GMDS: variants seen among roughly 807,000 people sequenced by gnomAD.
GMDS encodes the protein GDP-mannose 4,6-dehydratase, also known as GDP-mannose 4,6 dehydratase.
GMDS carries 20 observed loss-of-function variants against 49.9 expected under a neutral mutation model. The observed-to-expected ratio is 0.40, with a 90% CI of 0.28 to 0.58. The LOEUF (loss-of-function observed/expected upper bound fraction) is 0.58, where lower values mean the gene tolerates loss of function less well. Ranked by LOEUF, GMDS falls within the 20% of genes least tolerant of loss-of-function variation. GMDS has a pLI of 0.42. For missense variants in GMDS, 362 were observed against 481.4 expected (o/e 0.75, Z 2.32); for synonymous variants, 177 against 178.6 (o/e 0.99, Z 0.07).
At chr6:2,175,519 G>A (rs1316846161) in intron 1 of GMDS, among the ~76,000 whole-genome samples, 1 of 152,196 alleles carries the variant, frequency 6.6e-6, no homozygotes, top group Non-Finnish European at 1.5e-5. Flanking sequence ...ACAGAAAAAA[G>A]AGAGCAGCAT....
chr6:1,725,034 C>T (rs569013689), intron 9 of GMDS, among the ~76,000 whole-genome samples: 3 of 152,292 alleles, frequency 2.0e-5, no homozygotes, highest in Admixed American at 1.3e-4. Flanking sequence ...AAATGATGAC[C>T]GATTCACTTT....
chr6:1,949,661 A>T (rs906637013), intron 6 of GMDS, among the ~76,000 whole-genome samples: 11 of 152,228 alleles, frequency 7.2e-5, no homozygotes, highest in African/African-American at 2.4e-4. Context: ...CGCCAAGTGT[A>T]CATGTCATCT....
At chr6:2,020,936 A>G (rs566294959) in intron 4 of GMDS, among the ~76,000 whole-genome samples, 2 of 152,214 alleles carry the variant, frequency 1.3e-5, no homozygotes, top group Non-Finnish European at 2.9e-5. Flanking sequence ...CTACTACTAT[A>G]CTGGAAAAAT....
intron 7 of GMDS, among the ~76,000 whole-genome samples, chr6:1,912,621 C>G (rs1410712052): frequency 1.3e-5 from 2 of 152,166 alleles, no homozygotes; most frequent in East Asian, 3.8e-4. Context: ...CTTCCTCTCT[C>G]CATAGCTTGT....
chr6:1,685,813 C>T (rs1764956307), intron 9 of GMDS, among the ~76,000 whole-genome samples: 1 of 152,122 alleles, frequency 6.6e-6, no homozygotes, highest in Non-Finnish European at 1.5e-5. Flanking sequence ...AAAAGTATGG[C>T]TGTTTCACTC....
chr6:1,643,446 C>G (rs1763394343), intron 9 of GMDS, among the ~76,000 whole-genome samples: 1 of 152,320 alleles, frequency 6.6e-6, no homozygotes, highest in East Asian at 1.9e-4. Context: ...GGTGCTCATG[C>G]CTTCCTCGGC....
chr6:2,044,197 CAA>C (rs1489669371), intron 4 of GMDS, among the ~76,000 whole-genome samples: 1 of 152,198 alleles, frequency 6.6e-6, no homozygotes, highest in East Asian at 1.9e-4. Context: ...TTCAACCCAG[CAA>C]TCCCATTACA....
intron 9 of GMDS, among the ~76,000 whole-genome samples, chr6:1,668,695 A>T (rs1764310195): frequency 6.6e-6 from 1 of 151,802 alleles, no homozygotes. Context: ...CAACAGAGTA[A>T]GACTCTGTCT....
At chr6:1,936,716 C>T (rs1762562062) in intron 6 of GMDS, among the ~76,000 whole-genome samples, 1 of 152,136 alleles carries the variant, frequency 6.6e-6, no homozygotes, top group Non-Finnish European at 1.5e-5. Context: ...CCTGTAATCC[C>T]AACACTTTGG....
At chr6:1,692,370 C>T (rs1267254068) in intron 9 of GMDS, among the ~76,000 whole-genome samples, 1 of 152,200 alleles carries the variant, frequency 6.6e-6, no homozygotes, top group East Asian at 1.9e-4. Context: ...TTCATCTATC[C>T]TATTAGTTCT....
intron 7 of GMDS, among the ~76,000 whole-genome samples, chr6:1,872,659 CTAA>C (rs1393025680): frequency 2.6e-5 from 4 of 152,340 alleles, no homozygotes; most frequent in African/African-American, 9.6e-5. Context: ...TCAGTTGATC[CTAA>C]TAAGTCAAAG....
At chr6:2,057,413 A>G (rs1481141253) in intron 4 of GMDS, among the ~76,000 whole-genome samples, 2 of 152,214 alleles carry the variant, frequency 1.3e-5, no homozygotes, top group Non-Finnish European at 2.9e-5. Context: ...ATGTACACAC[A>G]TATTTTTTAA....
At chr6:1,932,644 T>C (rs1228332255) in intron 6 of GMDS, among the ~76,000 whole-genome samples, 1 of 151,542 alleles carries the variant, frequency 6.6e-6, no homozygotes, top group East Asian at 1.9e-4. Flanking sequence ...TTCACGCCAT[T>C]CTCCTGCCTC....
intron 1 of GMDS, among the ~76,000 whole-genome samples, chr6:2,175,710 A>ACTGCCC (rs1778250423): frequency 6.6e-6 from 1 of 152,244 alleles, no homozygotes; most frequent in Admixed American, 6.5e-5. Flanking sequence ...AGGCAGATAC[A>ACTGCCC]CTGCCCCTCT....
chr6:1,777,782 C>T (rs1245197854), intron 7 of GMDS, among the ~76,000 whole-genome samples: 1 of 152,166 alleles, frequency 6.6e-6, no homozygotes, highest in African/African-American at 2.4e-5. Flanking sequence ...AGTACCTTCT[C>T]CATTATAAAA....
chr6:1,687,509 T>G (rs1302344334), intron 9 of GMDS, among the ~76,000 whole-genome samples: 1 of 150,864 alleles, frequency 6.6e-6, no homozygotes, highest in Non-Finnish European at 1.5e-5. Context: ...CAATACTAAC[T>G]CCTCCACTCA....
intron 4 of GMDS, among the ~76,000 whole-genome samples, chr6:1,969,032 C>T (rs745957232): frequency 6.6e-5 from 10 of 151,786 alleles, no homozygotes; most frequent in Non-Finnish European, 1.2e-4. Context: ...GAGGCCGAGG[C>T]GGGCGGATCA....
In GMDS at chr6:2,199,032, C is replaced by G. The variant is rs559591408; in HGVS notation, c.102+46289G>C. Among the ~76,000 whole-genome samples the G allele has an allele frequency of 3.3e-5, 5 of 152,340 alleles. No homozygotes were observed. The East Asian group carries it at 9.6e-4, about 29-fold the overall frequency. ...CATACAACTATCTTTATACATAAAGCTGAATCTCTAATCATCTACCCATTT... is the reference window on the plus strand; with the variant it reads ...CATACAACTATCTTTATACATAAAGGTGAATCTCTAATCATCTACCCATTT... On this transcript the variant is annotated intron_variant, in intron 1 of 10. Transcript: ENST00000380815.
chr6:1,669,189 C>G (rs1057475609), intron 9 of GMDS, among the ~76,000 whole-genome samples: 8 of 152,178 alleles, frequency 5.3e-5, no homozygotes, highest in Non-Finnish European at 1.0e-4. Context: ...TGGAAAAAAG[C>G]GCAAAGCAGG....
Sources: allele counts gnomAD v4.1 joint callset (sites outside exome capture counted in the v4.1 genomes callset), GRCh38; gene constraint gnomAD v4.1.1; transcripts MANE v1.5; gene names NCBI Gene and HGNC (gene_info 2026-07-23, HGNC 2026-07-21).